PCDHGC3: variants seen among roughly 807,000 people sequenced by gnomAD.
PCDHGC3 encodes the protein protocadherin gamma subfamily C, 3.
PCDHGC3 carries 26 observed loss-of-function variants against 59.2 expected under a neutral mutation model. The observed-to-expected ratio is 0.44, with a 90% confidence interval of 0.32 to 0.61. PCDHGC3 has a LOEUF of 0.61. PCDHGC3 is among the 20% of genes least tolerant of loss of function. The pLI, the probability that PCDHGC3 is intolerant of heterozygous loss-of-function variation, is 0.05. For missense variants in PCDHGC3, 1,080 were observed against 1,221.8 expected, an observed-to-expected ratio of 0.88 and a Z score of 1.73; for synonymous variants, 487 against 519.7, an observed-to-expected ratio of 0.94 and a Z score of 0.86.
chr5:141,484,907 C>T, intron 1 of PCDHGC3: 1 of 409,994 alleles, frequency 2.4e-6, no homozygotes, highest in Non-Finnish European at 4.3e-6. Context: ...AATGCTGCGA[C>T]GCATTAACCC....
chr5:141,491,152 G>A lies in PCDHGC3; in HGVS notation c.2431-3655G>A. 1 of 1,614,168 alleles carries A rather than the reference G, an allele frequency of 6.2e-7. No homozygotes were observed. The highest frequency in any genetic ancestry group is 8.5e-7 in the Non-Finnish European group (1 of 1,179,990). On this transcript the variant is annotated intron_variant, in intron 1 of 3. Transcript: ENST00000308177. The surrounding 1 kb of genome is among the most constrained non-coding windows in gnomAD (Gnocchi z 6.9). ...CACAGCCCGGGCCTTACTGGAGGAT[G>A]ACTCTGACACCCAGCAGGTGGTGGT...
At position 141,477,262 on chromosome 5, in the gene PCDHGC3, C is replaced by G; in HGVS notation, c.1146C>G (p.Gly382=). The change falls in exon 1 of 4, where the codon GGC becomes GGG. Residue 382 remains glycine, a synonymous_variant. Coordinates refer to ENST00000308177, the MANE Select transcript of PCDHGC3 (RefSeq NM_002588.4). The surrounding 1 kb of genome is among the most constrained non-coding windows in gnomAD (Gnocchi z 4.9). ...TCAGTGTGACTGACCTGGATGCTGG[C>G]GAGAACGGGCTGGTGACCTGCGAAG... The part of the protein sequence containing the change: ...ALLSVTDLDA[G]ENGLVTCEVP... The G allele has an allele frequency of 6.2e-7, 1 of 1,614,138 alleles. No homozygotes were observed.
Position 141,511,319 on chromosome 5 carries a change from C to A in PCDHGC3, c.*146C>A. On this transcript the variant is annotated 3_prime_UTR_variant, in exon 4 of 4. Coordinates refer to ENST00000308177, the MANE Select transcript of PCDHGC3 (RefSeq NM_002588.4). ...CCATGCTCCCCTTGGGAAACAGAAA[C>A]AAGTGCCCAGTCAGCACCTACCCCT... is the stretch of plus-strand genomic sequence containing the variant. 6.8e-7 allele frequency: 1 copy of A among 1,477,420 alleles called. No homozygotes were observed. The highest frequency in any genetic ancestry group is 9.0e-7 in the Non-Finnish European group (1 of 1,108,340). 91.5% of individuals were successfully genotyped at this position (1,477,420 alleles called of 1,614,324 possible).
At chr5:141,502,274 A>G (rs573517581) in intron 2 of PCDHGC3, among the ~76,000 whole-genome samples, 18 of 152,128 alleles carry the variant, frequency 1.2e-4, no homozygotes, top group African/African-American at 4.1e-4. Context: ...ATCAAGGAGC[A>G]TAGATTGCAT....
rs1263728099 is a variant in PCDHGC3, at chr5:141,476,079, G to T, written c.-38G>T. Reference sequence around the variant, plus strand: ...AGTTTCTCAGCGAAATCTCAGGGACGATCTGGACCCCGCTGAGAGGAACTG... The same window carrying T: ...AGTTTCTCAGCGAAATCTCAGGGACTATCTGGACCCCGCTGAGAGGAACTG... On this transcript the variant is annotated 5_prime_UTR_variant, in exon 1 of 4. Coordinates refer to ENST00000308177, the MANE Select transcript of PCDHGC3 (RefSeq NM_002588.4). This position sits in a 1 kb window ranked among gnomAD's most constrained non-coding sequence, Gnocchi z 7.6. 3 of 1,537,560 alleles carry T rather than the reference G, an allele frequency of 2.0e-6. No homozygotes were observed. Among genetic ancestry groups the T allele is most frequent in the African/African-American group, 1.4e-5 (1 of 72,808 alleles).
At chr5:141,492,063 C>T in intron 1 of PCDHGC3, 1 of 481,160 alleles carries the variant, frequency 2.1e-6, no homozygotes, top group African/African-American at 2.0e-5. Flanking sequence ...CAGCCAGCCT[C>T]CTAGGCGCCG....
chr5:141,485,899 C>A lies in PCDHGC3; in HGVS notation c.2430+7353C>A, dbSNP rs775312856. 12 of 1,614,166 alleles carry A rather than the reference C, an allele frequency of 7.4e-6. No individual in the cohort carries two copies. The highest frequency in any genetic ancestry group is 8.5e-6 in the Non-Finnish European group (10 of 1,180,032). On this transcript the variant is annotated intron_variant, in intron 1 of 3. Coordinates refer to ENST00000308177, the MANE Select transcript of PCDHGC3 (RefSeq NM_002588.4). The surrounding 1 kb of genome is among the most constrained non-coding windows in gnomAD (Gnocchi z 5.7). ...ACGTAAACGACAACGCCCCAGCCTT[C>A]CAGCAATCCAGCTACAGGATTAGTG...
rs1456176347 is a variant in PCDHGC3 at position 141,510,961 on chromosome 5, A to G, written c.2593A>G (p.Ser865Gly). 2 of 1,613,986 alleles carry G rather than the reference A, an allele frequency of 1.2e-6. No individual in the cohort carries two copies. Among genetic ancestry groups the G allele is most frequent in the Non-Finnish European group, 1.7e-6 (2 of 1,179,962 alleles). ...TGTCTCTGCAGAAGCTGCTGATGGG[A>G]GCTCCACCCTGGGAGGGGGTGCCGG... is the stretch of plus-strand genomic sequence containing the variant. Reference protein sequence around the residue: ...LASASEAADGSSTLGGGAGTM... With the variant: ...LASASEAADGGSTLGGGAGTM... Residue 865 changes from serine (S) to glycine (G), a missense_variant, in exon 4 of 4, where the codon AGC (serine) becomes GGC (glycine). Physicochemically the swap from Ser to Gly is moderately conservative, Grantham distance 56. Coordinates refer to ENST00000308177, the MANE Select transcript of PCDHGC3 (RefSeq NM_002588.4).
Position 141,485,597 on chromosome 5 carries a change from A to G in PCDHGC3, c.2430+7051A>G. On this transcript the variant is annotated intron_variant, in intron 1 of 3. Coordinates refer to ENST00000308177, the MANE Select transcript of PCDHGC3 (RefSeq NM_002588.4). This position sits in a 1 kb window ranked among gnomAD's most constrained non-coding sequence, Gnocchi z 5.7. ...TCCGCGGCAGCAGCTGGACTTGGAA[A>G]TTGGGGAGGCAGCTCCTCCAGGACA... The G allele has an allele frequency of 6.2e-7, 1 of 1,612,468 alleles. No homozygotes were observed. The highest frequency in any genetic ancestry group is 8.5e-7 in the Non-Finnish European group (1 of 1,178,718).
intron 2 of PCDHGC3, among the ~76,000 whole-genome samples, chr5:141,498,397 G>A (rs1019408022): frequency 1.3e-5 from 2 of 152,136 alleles, no homozygotes; most frequent in African/African-American, 4.8e-5. Flanking sequence ...GAATGGCAGG[G>A]AGTTTTCTCT....
Position 141,502,485 on chromosome 5 carries a change from G to A in PCDHGC3, c.2490-2908G>A, listed in dbSNP as rs187600890. ...AATACTTCCCGCAGCATCACACTGG[G>A]ACTCATCTAACGTCGGCCTGTCCCA... On this transcript the variant is annotated intron_variant, in intron 2 of 3. Coordinates refer to ENST00000308177, the MANE Select transcript of PCDHGC3 (RefSeq NM_002588.4). 8.4e-3 allele frequency among the ~76,000 whole-genome samples: 1,276 copies of A among 152,270 alleles called. 22 individuals carry two copies. Among genetic ancestry groups the A allele is most frequent in the African/African-American group, 0.028 (1,151 of 41,542 alleles).
intron 2 of PCDHGC3, among the ~76,000 whole-genome samples, chr5:141,504,793 C>A (rs1256626821): frequency 9.9e-5 from 15 of 152,166 alleles, no homozygotes; most frequent in Admixed American, 3.9e-4. Context: ...GGGCCTCCTA[C>A]ATCTCCCCCT....
Position 141,476,656 on chromosome 5 carries a change from T to G in PCDHGC3, c.540T>G (p.Phe180Leu), listed in dbSNP as rs190269177. Residue 180 changes from phenylalanine to leucine, a missense_variant, in exon 1 of 4, where the codon TTT becomes TTG. Transcript: ENST00000308177. The surrounding 1 kb of genome is among the most constrained non-coding windows in gnomAD (Gnocchi z 7.6). ...QTYELSRNEYFALRVQTREDS... is the reference protein window; with the variant it reads ...QTYELSRNEYLALRVQTREDS... ...ATGAGCTGAGCCGAAATGAATACTTTGCGCTTCGCGTGCAGACGCGGGAGG... is the reference window on the plus strand; with the variant it reads ...ATGAGCTGAGCCGAAATGAATACTTGGCGCTTCGCGTGCAGACGCGGGAGG... The G allele has an allele frequency of 1.2e-6, 2 of 1,614,210 alleles. No individual in the cohort carries two copies. The highest frequency in any genetic ancestry group is 1.7e-6 in the Non-Finnish European group (2 of 1,180,044).
Position 141,489,784 on chromosome 5 carries a change from G to A in PCDHGC3, c.2431-5023G>A. 1 of 1,614,218 alleles carries A rather than the reference G, an allele frequency of 6.2e-7. No individual in the cohort carries two copies. Among genetic ancestry groups the A allele is most frequent in the Non-Finnish European group, 8.5e-7 (1 of 1,180,010 alleles). On this transcript the variant is annotated intron_variant, in intron 1 of 3. Transcript: ENST00000308177. This position sits in a 1 kb window ranked among gnomAD's most constrained non-coding sequence, Gnocchi z 4.5. ...CCCCAACAGCCACTTCTCTCTGAAT[G>A]TGAAGACCCTAAAAGATGGGAAGCC...
chr5:141,500,484 C>T (rs2099800696), intron 2 of PCDHGC3, among the ~76,000 whole-genome samples: 1 of 152,304 alleles, frequency 6.6e-6, no homozygotes, highest in Non-Finnish European at 1.5e-5. Context: ...GCTGGGATTA[C>T]AGGCGTGAGC....
rs770596172 is a variant in PCDHGC3, at chr5:141,487,664, G to A, written c.2431-7143G>A. ...AATGCTTGAGGGTTATTCTGATCCA[G>A]GCATATGGCTAGGCCATGTCCTAGA... On this transcript the variant is annotated intron_variant, in intron 1 of 3. Transcript: ENST00000308177. The surrounding 1 kb of genome is among the most constrained non-coding windows in gnomAD (Gnocchi z 5.0). 1.9e-5 allele frequency: 31 copies of A among 1,613,048 alleles called. No individual in the cohort carries two copies. The South Asian group carries it at 3.4e-4, about 18-fold the overall frequency.
At position 141,489,193 on chromosome 5, in the gene PCDHGC3, G is replaced by A; in HGVS notation, c.2431-5614G>A. The A allele has an allele frequency of 2.2e-6, 3 of 1,369,230 alleles. No individual in the cohort carries two copies. Among genetic ancestry groups the A allele is most frequent in the Non-Finnish European group, 3.0e-6 (3 of 1,000,290 alleles). 84.8% of individuals were successfully genotyped at this position (1,369,230 alleles called of 1,614,324 possible). On this transcript the variant is annotated intron_variant, in intron 1 of 3. Coordinates refer to ENST00000308177, the MANE Select transcript of PCDHGC3 (RefSeq NM_002588.4). The surrounding 1 kb of genome is among the most constrained non-coding windows in gnomAD (Gnocchi z 4.5). ...GCATTCCAAGCCCTGGGTCTACCTT[G>A]GAGACAGGACAGCACAGACTTACTC...
In PCDHGC3 at chr5:141,490,462, ACCAG is replaced by A; in HGVS notation, c.2431-4338_2431-4335del. On this transcript the variant is annotated intron_variant, in intron 1 of 3. Coordinates refer to ENST00000308177, the MANE Select transcript of PCDHGC3 (RefSeq NM_002588.4). The surrounding 1 kb of genome is among the most constrained non-coding windows in gnomAD (Gnocchi z 5.4). ...TTCTGAGAACCACTACTCGCTGCTA[ACCAG>A]CCAGCCTTTGGACCGGGAGGCCACA... 1 of 1,614,198 alleles carries A rather than the reference ACCAG, an allele frequency of 6.2e-7. No homozygotes were observed.
rs1272694679 is a variant in PCDHGC3, at chr5:141,486,884, C to T, written c.2431-7923C>T. 7 of 1,614,106 alleles carry T rather than the reference C, an allele frequency of 4.3e-6. No individual in the cohort carries two copies. The highest frequency in any genetic ancestry group is 1.1e-5 in the South Asian group (1 of 91,082). ...TCCAGCTGTGCTCCGTCCTCGGGCC[C>T]GGCCTGGTTCCTTATGTCCCCAAGC... On this transcript the variant is annotated intron_variant, in intron 1 of 3. Coordinates refer to ENST00000308177, the MANE Select transcript of PCDHGC3 (RefSeq NM_002588.4). The surrounding 1 kb of genome is among the most constrained non-coding windows in gnomAD (Gnocchi z 5.0).
Sources: gnomAD v4.1 joint callset for allele counts (sites outside exome capture counted in the v4.1 genomes callset) on GRCh38, gnomAD v4.1.1 for gene constraint, Gnocchi (gnomAD v3.1) non-coding constraint, MANE v1.5 for transcripts, NCBI Gene and HGNC (gene_info 2026-07-23, HGNC 2026-07-21) for gene names.